Variants in TMEM178B observed in about 807,000 individuals in gnomAD.
TMEM178B encodes transmembrane protein 178B.
In TMEM178B, 5 loss-of-function variants were observed where a neutral mutation model predicts 31.0. The observed-to-expected ratio is 0.16, with a 90% CI of 0.08 to 0.34. TMEM178B has a LOEUF of 0.34. Among genes scored for constraint, TMEM178B ranks in the 10% least tolerant of loss-of-function variants. The pLI, the probability that TMEM178B is intolerant of heterozygous loss-of-function variation, is 1.00. For missense variants in TMEM178B, 275 were observed against 400.3 expected (o/e 0.69, Z 2.67); for synonymous variants, 164 against 164.0 (o/e 1.00, Z 0.00).
intron 1 of TMEM178B, among the ~76,000 whole-genome samples, chr7:141,085,150 ATTTTTTTTTTTTTT>A (rs61516388): frequency 1.3e-5 from 1 of 74,540 alleles, no homozygotes; most frequent in Non-Finnish European, 2.6e-5. Flanking sequence ...GCTAATTTGT[ATTTTTTTTTTTTTT>A]TTTTTTTTTT....
At chr7:141,437,838 C>T in intron 3 of TMEM178B, 93 bp downstream of exon 3, 2 of 1,478,794 alleles carry the variant, frequency 1.4e-6, no homozygotes, top group Admixed American at 2.1e-5. Flanking sequence ...GCAGAGGGGA[C>T]CATGACGTGA....
In TMEM178B at chr7:141,428,515, G is replaced by C. The variant is rs1218138689; in HGVS notation, c.497-9093G>C. Among the ~76,000 whole-genome samples, 5 of 152,224 alleles carry C rather than the reference G, an allele frequency of 3.3e-5. No homozygotes were observed. The East Asian group carries it at 9.7e-4, about 29-fold the overall frequency. The stretch of plus-strand genomic sequence containing the variant: ...GAGGCAAAATGGCAGCGTTTAACTG[G>C]TATATGACCTTCCTGTGAAAATGCT... On this transcript the variant is annotated intron_variant, in intron 2 of 3. Coordinates refer to ENST00000565468, the MANE Select transcript of TMEM178B (RefSeq NM_001195278.2).
chr7:141,215,337 A>ATTATTATTATTATTATTATTATTATT (rs55726735), intron 2 of TMEM178B, among the ~76,000 whole-genome samples: 3 of 141,488 alleles, frequency 2.1e-5, no homozygotes, highest in Non-Finnish European at 3.1e-5. Flanking sequence ...TATTATTATT[A>ATTATTATTATTATTATTATTATTATT]TTTTTTGAGA....
chr7:141,272,686 G>T (rs575273935), intron 2 of TMEM178B, among the ~76,000 whole-genome samples: 1 of 152,162 alleles, frequency 6.6e-6, no homozygotes, highest in Non-Finnish European at 1.5e-5. Flanking sequence ...ACATCAGCCC[G>T]TGGGCTGCCC....
At chr7:141,149,276 G>A (rs1026238811) in intron 1 of TMEM178B, among the ~76,000 whole-genome samples, 1 of 152,182 alleles carries the variant, frequency 6.6e-6, no homozygotes, top group African/African-American at 2.4e-5. Flanking sequence ...GGGCCTTTAG[G>A]CCAGGTGCAG....
chr7:141,257,002 C>G (rs1046038854), intron 2 of TMEM178B, among the ~76,000 whole-genome samples: 1 of 152,010 alleles, frequency 6.6e-6, no homozygotes, highest in African/African-American at 2.4e-5. Context: ...TGGTGCTGGA[C>G]GAGATCACCT....
At chr7:141,187,794 T>A (rs535823056) in intron 1 of TMEM178B, among the ~76,000 whole-genome samples, 1 of 152,246 alleles carries the variant, frequency 6.6e-6, no homozygotes, top group South Asian at 2.1e-4. Flanking sequence ...GGGTTGTTTG[T>A]TTTTTTCTTG....
In TMEM178B at chr7:141,074,697, G is replaced by A; in HGVS notation, c.382+5G>A. 6.8e-7 allele frequency: 1 copy of A among 1,481,202 alleles called. No homozygotes were observed. The highest frequency in any genetic ancestry group is 2.0e-4 in the Middle Eastern group (1 of 5,084). The allele number at this position is 1,481,202 out of a possible 1,614,324, so 91.8% of individuals were successfully genotyped here. A position where few individuals can be genotyped will look rare whatever the true frequency, so the allele number is the denominator to read the frequency against. ...TCGCCGCCCTCATTCGGAAAGGTAA[G>A]CGCCGGGCGCAAGGCGTGGCGCTGC... On this transcript the variant is annotated splice_donor_5th_base_variant and intron_variant, in intron 1 of 3. Coordinates refer to ENST00000565468, the MANE Select transcript of TMEM178B (RefSeq NM_001195278.2). This position sits in a 1 kb window ranked among gnomAD's most constrained non-coding sequence, Gnocchi z 5.1.
downstream of TMEM178B, among the ~76,000 whole-genome samples, chr7:141,483,942 G>T (rs1393599983): frequency 6.6e-6 from 1 of 151,908 alleles, no homozygotes; most frequent in Non-Finnish European, 1.5e-5. Context: ...TACCACGTTG[G>T]CCAGGCTGGT....
Position 141,476,855 on chromosome 7 carries a change from CG to C in TMEM178B, c.*6074del. ...TCTGTAGATAGAGCCCAGCTGGTAA[CG>C]GGGGAGCCACCCAACTGCAGGGGGG... is the stretch of plus-strand genomic sequence containing the variant. On this transcript the variant is annotated 3_prime_UTR_variant, in exon 4 of 4. Transcript: ENST00000565468. The C allele has an allele frequency of 6.5e-6, 1 of 154,880 alleles. No individual in the cohort carries two copies. The highest frequency in any genetic ancestry group is 1.5e-5 in the Non-Finnish European group (1 of 68,228). 9.6% of individuals were successfully genotyped at this position (154,880 alleles called of 1,614,324 possible).
intron 2 of TMEM178B, among the ~76,000 whole-genome samples, chr7:141,333,729 C>T (rs993343462): frequency 2.6e-5 from 4 of 152,192 alleles, no homozygotes; most frequent in African/African-American, 4.8e-5. Context: ...GAACTGGTTT[C>T]ATGGAAGATA....
chr7:141,242,423 G>A (rs889262768), intron 2 of TMEM178B, among the ~76,000 whole-genome samples: 1 of 151,594 alleles, frequency 6.6e-6, no homozygotes, highest in African/African-American at 2.4e-5. Context: ...GAGCAGAACT[G>A]CATAGTGATT....
chr7:141,462,643 C>T (rs1802079196), intron 3 of TMEM178B, among the ~76,000 whole-genome samples: 1 of 151,990 alleles, frequency 6.6e-6, no homozygotes, highest in African/African-American at 2.4e-5. Context: ...AAACTAGAAG[C>T]TAATATTTGG....
At chr7:141,488,589 G>A in the TMEM178B span, among the ~76,000 whole-genome samples, 1 of 152,092 alleles carries the variant, frequency 6.6e-6, no homozygotes, top group African/African-American at 2.4e-5. Flanking sequence ...ACAGGTGCAT[G>A]CCACCATGGC....
intron 2 of TMEM178B, among the ~76,000 whole-genome samples, chr7:141,339,204 G>A (rs1273432619): frequency 1.3e-5 from 2 of 152,220 alleles, no homozygotes; most frequent in African/African-American, 2.4e-5. Flanking sequence ...TCCCTGAGGA[G>A]TGGAAAGATG....
intron 3 of TMEM178B, among the ~76,000 whole-genome samples, chr7:141,459,381 A>G (rs1273551382): frequency 6.6e-6 from 1 of 152,190 alleles, no homozygotes; most frequent in East Asian, 1.9e-4. Context: ...CATTTGTCCA[A>G]GTGACATGGA....
At chr7:141,142,956 CATTTCTTTGATG>C (rs1795798326) in intron 1 of TMEM178B, among the ~76,000 whole-genome samples, 1 of 152,140 alleles carries the variant, frequency 6.6e-6, no homozygotes, top group Non-Finnish European at 1.5e-5. Flanking sequence ...TTTTGATTTG[CATTTCTTTGATG>C]ATTAGTTATG....
At chr7:141,492,677 C>A in the TMEM178B span, among the ~76,000 whole-genome samples, 1 of 152,174 alleles carries the variant, frequency 6.6e-6, no homozygotes, top group Non-Finnish European at 1.5e-5. Flanking sequence ...GTTCCTTCCA[C>A]CTTCGTTTCA....
chr7:141,407,226 G>A (rs1446098942), intron 2 of TMEM178B, among the ~76,000 whole-genome samples: 1 of 152,246 alleles, frequency 6.6e-6, no homozygotes, highest in Non-Finnish European at 1.5e-5. Flanking sequence ...TTGACGCTCT[G>A]TGCTGTTTAG....
Sources: gnomAD v4.1 joint callset for allele counts (sites outside exome capture counted in the v4.1 genomes callset) on GRCh38, gnomAD v4.1.1 for gene constraint, Gnocchi (gnomAD v3.1) non-coding constraint, MANE v1.5 for transcripts, NCBI Gene and HGNC (gene_info 2026-07-23, HGNC 2026-07-21) for gene names.